The following DTL variants were observed in gnomAD, a reference collection of about 807,000 sequenced individuals.
The protein encoded by DTL is denticleless protein homolog.
In DTL, 46 loss-of-function variants were observed where a neutral mutation model predicts 87.0. The ratio of observed to expected loss-of-function variants is 0.53; its 90% CI spans 0.42 to 0.68. The LOEUF is 0.68. Ranked by LOEUF, DTL falls within the 30% of genes least tolerant of loss-of-function variation. The pLI is 0.00. For synonymous variants in DTL, 308 were observed against 311.2 expected (o/e 0.99, Z 0.11); for missense variants, 737 against 869.4 (o/e 0.85, Z 1.91).
chr1:212,082,365 G>A (rs1655012388), intron 13 of DTL, among the ~76,000 whole-genome samples: 1 of 152,182 alleles, frequency 6.6e-6, no homozygotes, highest in Non-Finnish European at 1.5e-5. Context: ...AAGGAAAGAA[G>A]AGAAGTGAAG....
intron 5 of DTL, among the ~76,000 whole-genome samples, chr1:212,061,303 A>G (rs1218458586): frequency 6.6e-6 from 1 of 152,142 alleles, no homozygotes; most frequent in Admixed American, 6.6e-5. Flanking sequence ...GAAAGAAGAC[A>G]TACAAATGGC....
intron 7 of DTL, among the ~76,000 whole-genome samples, chr1:212,066,601 GTA>G (rs1654508283): frequency 6.6e-6 from 1 of 152,136 alleles, no homozygotes; most frequent in Non-Finnish European, 1.5e-5. Context: ...TGTTTTTTGA[GTA>G]TAAGTTGAAA....
intron 3 of DTL, among the ~76,000 whole-genome samples, chr1:212,046,645 A>G (rs1349349543): frequency 2.0e-5 from 3 of 152,314 alleles, no homozygotes; most frequent in Non-Finnish European, 4.4e-5. Flanking sequence ...GCTGCATTGT[A>G]TTCCACAGTG....
chr1:212,064,450 A>T (rs908279637), intron 6 of DTL, among the ~76,000 whole-genome samples: 1 of 152,214 alleles, frequency 6.6e-6, no homozygotes, highest in Non-Finnish European at 1.5e-5. Flanking sequence ...ACAAATGTGT[A>T]ATGACGTGCG....
intron 10 of DTL, 99 bp from the exon 11 acceptor site, chr1:212,072,002 A>G (rs12145020): frequency 0.084 from 68,240 of 811,902 alleles, 3,413 homozygotes; most frequent in Admixed American, 0.17. Flanking sequence ...TCAATAGGCA[A>G]TACAGTGATA....
intron 12 of DTL, among the ~76,000 whole-genome samples, chr1:212,078,503 T>C (rs1269217471): frequency 1.3e-5 from 2 of 152,156 alleles, no homozygotes; most frequent in Admixed American, 1.3e-4. Context: ...CAGTTATTTC[T>C]TTCCTAAATG....
In DTL at chr1:212,100,649, G is replaced by A. The variant is rs1180123010; in HGVS notation, c.1659G>A (p.Arg553=). 6.2e-7 allele frequency: 1 copy of A among 1,614,070 alleles called. No homozygotes were observed. The highest frequency in any genetic ancestry group is 8.5e-7 in the Non-Finnish European group (1 of 1,180,024). ...CTGAGTCTAGAAATAGAGTAAAGAG[G>A]AGGCTAGACTCAAGCTGTCTGGAGA... ...ACSESRNRVK[R]RLDSSCLESV... The change falls in exon 14 of 15, where the codon AGG becomes AGA. Residue 553 remains arginine (R), a synonymous_variant. Transcript: ENST00000366991.
intron 13 of DTL, among the ~76,000 whole-genome samples, chr1:212,096,717 C>T (rs1031043202): frequency 1.4e-4 from 22 of 152,072 alleles, no homozygotes; most frequent in African/African-American, 5.3e-4. Flanking sequence ...AATTTTATTC[C>T]ACTATGGTCT....
chr1:212,044,545 A>T, intron 2 of DTL, 115 bp from the exon 3 acceptor site: 1 of 587,134 alleles, frequency 1.7e-6, no homozygotes. Context: ...TGGAGGTTGC[A>T]GTGAGCCAAA....
At chr1:212,060,118 G>A (rs1250255115) in intron 5 of DTL, among the ~76,000 whole-genome samples, 1 of 152,090 alleles carries the variant, frequency 6.6e-6, no homozygotes, top group Non-Finnish European at 1.5e-5. Flanking sequence ...TACAGATTCA[G>A]TGCAATCCCC....
intron 13 of DTL, among the ~76,000 whole-genome samples, chr1:212,093,566 G>A (rs1001807405): frequency 3.3e-5 from 5 of 152,282 alleles, no homozygotes; most frequent in Non-Finnish European, 7.4e-5. Context: ...GTTCTCCTCC[G>A]ACTGCCCCGA....
At chr1:212,065,862 C>T (rs931477291) in intron 7 of DTL, among the ~76,000 whole-genome samples, 8 of 152,078 alleles carry the variant, frequency 5.3e-5, no homozygotes, top group Non-Finnish European at 1.2e-4. Flanking sequence ...CCCACCACCA[C>T]GCCCAGCTAA....
In DTL at chr1:212,100,672, A is replaced by T. The variant is rs773807019; in HGVS notation, c.1682A>T (p.Glu561Val). 7.4e-6 allele frequency: 12 copies of T among 1,614,110 alleles called. No individual in the cohort carries two copies. The East Asian group carries it at 2.7e-4, about 36-fold the overall frequency. ...VKRRLDSSCL[E>V]SVKQKCVKSC... is the part of the protein sequence containing the mutation. ...AGGAGGCTAGACTCAAGCTGTCTGG[A>T]GAGTGTGAAACAAAAGTGTGTGAAG... The change falls in exon 14 of 15, where the codon GAG becomes GTG. Residue 561 changes from glutamate to valine, a missense_variant. By Grantham distance (121) the Glu-to-Val change is moderately radical (BLOSUM62 -2). Coordinates refer to ENST00000366991, the MANE Select transcript of DTL (RefSeq NM_016448.4).
chr1:212,054,408 A>AC (rs201710314), intron 5 of DTL, among the ~76,000 whole-genome samples: 2,620 of 127,038 alleles, frequency 0.021, 70 homozygotes, highest in African/African-American at 0.069. Flanking sequence ...CCACACACAC[A>AC]AAAAAAAAAA....
chr1:212,099,067 G>A (rs1049383693), intron 13 of DTL, among the ~76,000 whole-genome samples: 4 of 152,132 alleles, frequency 2.6e-5, no homozygotes, highest in African/African-American at 9.7e-5. Context: ...GGTTTCCCTG[G>A]GGACCAGGAG....
chr1:212,048,704 A>G (rs1250594148), intron 5 of DTL, among the ~76,000 whole-genome samples: 1 of 152,038 alleles, frequency 6.6e-6, no homozygotes, highest in Non-Finnish European at 1.5e-5. Context: ...CTCACTAAAT[A>G]ATTTTTTTTA....
chr1:212,092,088 A>G (rs114194715), intron 13 of DTL, among the ~76,000 whole-genome samples: 4,173 of 152,284 alleles, frequency 0.027, 81 homozygotes, highest in Non-Finnish European at 0.04. Flanking sequence ...GCTGTAACCA[A>G]TGTGTAGTCT....
At chr1:212,066,933 T>C in intron 8 of DTL, 48 bp downstream of exon 8, 1 of 1,470,846 alleles carries the variant, frequency 6.8e-7, no homozygotes, top group South Asian at 1.2e-5. Context: ...TTTTATGAGA[T>C]TGTGATGAGG....
At chr1:212,048,907 T>TTTGC (rs1372289557) in intron 5 of DTL, among the ~76,000 whole-genome samples, 1 of 32,330 alleles carries the variant, frequency 3.1e-5, no homozygotes, top group African/African-American at 9.0e-5. Flanking sequence ...TGGTTTTTTG[T>TTTGC]TTGTTTGTTT....
Sources: gnomAD v4.1 joint callset for allele counts (sites outside exome capture counted in the v4.1 genomes callset) on GRCh38, gnomAD v4.1.1 for gene constraint, MANE v1.5 for transcripts, NCBI Gene and HGNC (gene_info 2026-07-23, HGNC 2026-07-21) for gene names.